The following UBE3A variants were observed in gnomAD, a reference collection of about 807,000 sequenced individuals.
UBE3A encodes ubiquitin protein ligase E3A, also known as ubiquitin-protein ligase E3A.
Under a neutral mutation model 83.4 loss-of-function variants are expected in UBE3A, and 6 were observed. The ratio of observed to expected loss-of-function variants is 0.07; its 90% confidence interval spans 0.04 to 0.14. The LOEUF (loss-of-function observed/expected upper bound fraction) is 0.14. Ranked by LOEUF, UBE3A falls within the 10% of genes least tolerant of loss-of-function variation. The probability of loss-of-function intolerance (pLI) is 1.00; values close to 1 mark genes in which losing one functional copy is unlikely to be tolerated. For missense variants in UBE3A, 456 were observed against 1,036.1 expected (o/e 0.44, Z 7.69); for synonymous variants, 337 against 355.4 (o/e 0.95, Z 0.58).
At chr15:25,372,270 C>A (rs2080422013) in intron 5 of UBE3A, among the ~76,000 whole-genome samples, 1 of 152,052 alleles carries the variant, frequency 6.6e-6, no homozygotes, top group Non-Finnish European at 1.5e-5. Flanking sequence ...AAGGCAAGGT[C>A]TTAAAAAAAG....
At chr15:25,413,514 C>T (rs543632010) in intron 1 of UBE3A, among the ~76,000 whole-genome samples, 1 of 152,290 alleles carries the variant, frequency 6.6e-6, no homozygotes, top group South Asian at 2.1e-4. Flanking sequence ...TAAAGGACTA[C>T]TACAACAATT....
chr15:25,348,612 C>T (rs2152588125), intron 11 of UBE3A, among the ~76,000 whole-genome samples: 1 of 152,030 alleles, frequency 6.6e-6, no homozygotes, highest in Middle Eastern at 3.5e-3. Context: ...TAGAATAAGT[C>T]AATTTAGAAA....
chr15:25,429,308 G>A (rs923844141), intron 1 of UBE3A, among the ~76,000 whole-genome samples: 1 of 152,026 alleles, frequency 6.6e-6, no homozygotes, highest in Non-Finnish European at 1.5e-5. Flanking sequence ...TTATATAACT[G>A]CATCCTTTCC....
intron 1 of UBE3A, among the ~76,000 whole-genome samples, chr15:25,430,164 AT>A (rs1190894713): frequency 4.4e-4 from 7 of 15,800 alleles, no homozygotes; most frequent in Admixed American, 1.3e-3. Flanking sequence ...TATATATAAG[AT>A]TATATATATA....
chr15:25,339,938 A>C (rs111801538), intron 12 of UBE3A, 147 bp downstream of exon 12: 11 of 1,103,508 alleles, frequency 1.0e-5, no homozygotes, highest in African/African-American at 9.4e-5. Flanking sequence ...ATGACAGCAA[A>C]GTATTTTCTC....
intron 3 of UBE3A, 44 bp from the exon 4 acceptor site, chr15:25,405,546 T>TG (rs1451301697): frequency 8.2e-6 from 13 of 1,594,608 alleles, no homozygotes; most frequent in Non-Finnish European, 1.0e-5. Context: ...TATTCCATAT[T>TG]CCAAAAAAAA....
At chr15:25,415,895 C>G (rs1463877802) in intron 1 of UBE3A, 1 of 146,882 alleles carries the variant, frequency 6.8e-6, no homozygotes. Flanking sequence ...GGCCTTTGAG[C>G]TAGTTCCAAA....
intron 1 of UBE3A, among the ~76,000 whole-genome samples, chr15:25,427,602 CAAAAAAAAAAAAAAAA>C (rs751567252): frequency 1.6e-5 from 1 of 64,190 alleles, no homozygotes; most frequent in South Asian, 8.6e-4. Flanking sequence ...CCCATCTCTA[CAAAAAAAAAAAAAAAA>C]AAAAAAAAAA....
chr15:25,438,575 G>A lies in UBE3A; in HGVS notation c.-251C>T. ...CGCCGCCTCCGCCCGCCACCGCCTC[G>A]TTCTCTTTCGCTGCCGCCACCGCCG... On this transcript the variant is annotated 5_prime_UTR_variant, in exon 1 of 13. In the 5' UTR this introduces an upstream ATG that the reference lacks. Transcript: ENST00000648336. 6.5e-6 allele frequency: 1 copy of A among 153,648 alleles called. No homozygotes were observed. The highest frequency in any genetic ancestry group is 1.5e-5 in the Non-Finnish European group (1 of 68,574). 9.5% of individuals were successfully genotyped at this position (153,648 alleles called of 1,614,324 possible).
Position 25,337,070 on chromosome 15 carries a change from A to C in UBE3A, c.*2067T>G, listed in dbSNP as rs766532417. ...TGCAACCGACGATTTTTTTTCTCTAAAATTTTAAGGGTAGGTTCATTCTGA... is the reference window on the plus strand; with the variant it reads ...TGCAACCGACGATTTTTTTTCTCTACAATTTTAAGGGTAGGTTCATTCTGA... On this transcript the variant is annotated 3_prime_UTR_variant, in exon 13 of 13. Coordinates refer to ENST00000648336, the MANE Select transcript of UBE3A (RefSeq NM_130839.5). 1 of 152,118 alleles carries C rather than the reference A, an allele frequency of 6.6e-6. No individual in the cohort carries two copies. Among genetic ancestry groups the C allele is most frequent in the Non-Finnish European group, 1.5e-5 (1 of 68,030 alleles). The allele number at this position is 152,118 out of a possible 1,614,324, so 9.4% of individuals were successfully genotyped here.
At chr15:25,352,546 G>A (rs989937378) in intron 11 of UBE3A, among the ~76,000 whole-genome samples, 20 of 152,306 alleles carry the variant, frequency 1.3e-4, no homozygotes, top group East Asian at 1.9e-4. Flanking sequence ...TGCTAAAAAT[G>A]CTAATGAAGT....
Position 25,334,740 on chromosome 15 carries a change from G to A in UBE3A, c.*4397C>T, listed in dbSNP as rs1463470796. ...TGGAGTAAGACTGAGAATCCAGAAA[G>A]TCTTATATTTATGGTCAACTGTTCT... On this transcript the variant is annotated 3_prime_UTR_variant, in exon 13 of 13. Coordinates refer to ENST00000648336, the MANE Select transcript of UBE3A (RefSeq NM_130839.5). 1.3e-5 allele frequency: 2 copies of A among 152,140 alleles called. No individual in the cohort carries two copies. The highest frequency in any genetic ancestry group is 2.9e-5 in the Non-Finnish European group (2 of 68,034). 9.4% of individuals were successfully genotyped at this position (152,140 alleles called of 1,614,324 possible).
chr15:25,395,351 T>C (rs537475282), intron 4 of UBE3A, among the ~76,000 whole-genome samples: 18 of 152,308 alleles, frequency 1.2e-4, no homozygotes, highest in African/African-American at 4.1e-4. Context: ...GAGAATACAC[T>C]GTAAAGCACA....
intron 4 of UBE3A, among the ~76,000 whole-genome samples, chr15:25,396,969 G>A (rs1438429800): frequency 6.6e-6 from 1 of 152,192 alleles, no homozygotes; most frequent in Non-Finnish European, 1.5e-5. Context: ...AATGTGGGAT[G>A]TTGCCATTAA....
chr15:25,389,770 C>A (rs2083910143), intron 4 of UBE3A, among the ~76,000 whole-genome samples: 1 of 152,068 alleles, frequency 6.6e-6, no homozygotes, highest in Non-Finnish European at 1.5e-5. Context: ...CGGGTATAAT[C>A]CCAGCTACTC....
At chr15:25,364,440 T>C (rs1377430286) in intron 6 of UBE3A, among the ~76,000 whole-genome samples, 1 of 152,132 alleles carries the variant, frequency 6.6e-6, no homozygotes, top group African/African-American at 2.4e-5. Context: ...CTTTACATAA[T>C]AGCTATATTA....
intron 2 of UBE3A, among the ~76,000 whole-genome samples, chr15:25,409,754 A>T (rs893450505): frequency 2.0e-5 from 3 of 152,212 alleles, no homozygotes; most frequent in African/African-American, 7.2e-5. Context: ...GGACAAATTC[A>T]GTCAAAAGAT....
Position 25,371,585 on chromosome 15 carries a change from C to G in UBE3A, c.589G>C (p.Ala197Pro). The change falls in exon 6 of 13, where the codon GCT (alanine) becomes CCT (proline). Residue 197 changes from alanine to proline, a missense_variant. This residue lies in a region of UBE3A where 42 missense variants were observed against 41.8 expected (regional missense o/e 1.00). Transcript: ENST00000648336. This position sits in a 1 kb window ranked among gnomAD's most constrained non-coding sequence, Gnocchi z 5.3. ...TCTGAGTCTTCTTCCATAGCAGCAGCAGAACATGCAGCTTTTTCCTTTTCA... is the reference window on the plus strand; with the variant it reads ...TCTGAGTCTTCTTCCATAGCAGCAGGAGAACATGCAGCTTTTTCCTTTTCA... ...EDEKEKAACS[A>P]AAMEEDSEAS... The G allele has an allele frequency of 6.2e-7, 1 of 1,614,156 alleles. No individual in the cohort carries two copies. The highest frequency in any genetic ancestry group is 1.3e-5 in the African/African-American group (1 of 75,042).
chr15:25,397,200 G>C (rs1007033605), intron 4 of UBE3A, among the ~76,000 whole-genome samples: 1 of 17,440 alleles, frequency 5.7e-5, no homozygotes, highest in Non-Finnish European at 2.3e-4. Context: ...TACCAATTAT[G>C]GCTAGAAACT....
Sources: allele counts gnomAD v4.1 joint callset (sites outside exome capture counted in the v4.1 genomes callset), GRCh38; gene constraint gnomAD v4.1.1; regional missense constraint gnomAD v4.1.1; non-coding constraint Gnocchi (gnomAD v3.1); transcripts MANE v1.5; gene names NCBI Gene and HGNC (gene_info 2026-07-23, HGNC 2026-07-21).